The following CA10 variants were observed in gnomAD, a reference collection of about 807,000 sequenced individuals.
CA10 encodes carbonic anhydrase 10 (inactive).
A neutral mutation model predicts 44.2 loss-of-function variants in CA10; 14 were observed. The ratio of observed to expected loss-of-function variants is 0.32; its 90% CI spans 0.21 to 0.50. CA10 has a LOEUF of 0.50. Ranked by LOEUF, CA10 falls within the 20% of genes least tolerant of loss-of-function variation. The pLI is 0.99. For synonymous variants in CA10, 159 were observed against 141.6 expected, an observed-to-expected ratio of 1.12 and a Z score of -0.87; for missense variants, 350 against 409.7, an observed-to-expected ratio of 0.85 and a Z score of 1.26.
At chr17:52,018,784 T>C (rs538884245) in intron 2 of CA10, among the ~76,000 whole-genome samples, 14 of 152,180 alleles carry the variant, frequency 9.2e-5, no homozygotes, top group Admixed American at 4.6e-4. Flanking sequence ...AGAAGTAATA[T>C]GGTATGGATA....
intron 2 of CA10, among the ~76,000 whole-genome samples, chr17:52,059,135 G>C (rs1029415372): frequency 6.6e-6 from 1 of 152,124 alleles, no homozygotes; most frequent in Non-Finnish European, 1.5e-5. Flanking sequence ...GAAATCTAGA[G>C]AGAGAGACTT....
At chr17:51,835,246 G>C (rs62063185) in intron 3 of CA10, among the ~76,000 whole-genome samples, 13,587 of 152,188 alleles carry the variant, frequency 0.089, 886 homozygotes, top group African/African-American at 0.17. Flanking sequence ...AGCGATACAT[G>C]CTGGGTACAC....
chr17:52,152,274 C>T (rs1989719489), intron 1 of CA10, among the ~76,000 whole-genome samples: 1 of 152,094 alleles, frequency 6.6e-6, no homozygotes, highest in African/African-American at 2.4e-5. Context: ...TTGCAAAGAT[C>T]CTTAATACAA....
At chr17:52,135,650 T>G (rs547491900) in intron 1 of CA10, among the ~76,000 whole-genome samples, 1 of 152,300 alleles carries the variant, frequency 6.6e-6, no homozygotes, top group Admixed American at 6.5e-5. Flanking sequence ...TCCTAGCCTG[T>G]GGGAATGGGC....
intron 4 of CA10, among the ~76,000 whole-genome samples, chr17:51,734,370 A>G (rs1364549709): frequency 6.6e-6 from 1 of 152,172 alleles, no homozygotes; most frequent in Non-Finnish European, 1.5e-5. Context: ...ATGAAGGAAA[A>G]GAGATCTAGA....
chr17:51,807,340 G>A (rs1051673970), intron 3 of CA10, among the ~76,000 whole-genome samples: 1 of 152,190 alleles, frequency 6.6e-6, no homozygotes, highest in Non-Finnish European at 1.5e-5. Flanking sequence ...CAGGTATTTA[G>A]TCAGAAGGCC....
At chr17:52,145,355 G>A (rs952539715) in intron 1 of CA10, among the ~76,000 whole-genome samples, 2 of 152,130 alleles carry the variant, frequency 1.3e-5, no homozygotes, top group African/African-American at 4.8e-5. Context: ...GTTGGAAAGG[G>A]ATCTAGAAAC....
intron 3 of CA10, among the ~76,000 whole-genome samples, chr17:51,837,746 A>G (rs1410429568): frequency 6.6e-6 from 1 of 152,206 alleles, no homozygotes; most frequent in Non-Finnish European, 1.5e-5. Context: ...GTTATTTGTC[A>G]TTATTTCAGT....
At chr17:51,634,238 A>G (rs1374823198) in intron 7 of CA10, among the ~76,000 whole-genome samples, 1 of 152,232 alleles carries the variant, frequency 6.6e-6, no homozygotes, top group East Asian at 1.9e-4. Context: ...TGGGGTTCCC[A>G]TTTCAGTGAA....
intron 2 of CA10, among the ~76,000 whole-genome samples, chr17:52,044,893 G>A (rs1296937050): frequency 6.6e-6 from 1 of 151,004 alleles, no homozygotes; most frequent in Non-Finnish European, 1.5e-5. Flanking sequence ...TTGGAAAGTG[G>A]GTGATGGTAA....
intron 3 of CA10, among the ~76,000 whole-genome samples, chr17:51,914,476 G>A (rs188028): frequency 0.53 from 80,292 of 151,858 alleles, 21,685 homozygotes; most frequent in Non-Finnish European, 0.56. Context: ...TTGCCACCTT[G>A]CCAGGGAAGA....
At chr17:51,748,978 C>T (rs1904801182) in intron 3 of CA10, among the ~76,000 whole-genome samples, 2 of 152,142 alleles carry the variant, frequency 1.3e-5, no homozygotes, top group South Asian at 2.1e-4. Flanking sequence ...GAATGGAGCC[C>T]ATGTGACTGA....
intron 4 of CA10, among the ~76,000 whole-genome samples, chr17:51,697,085 GAA>G (rs60585641): frequency 3.2e-4 from 44 of 139,118 alleles, no homozygotes; most frequent in African/African-American, 1.0e-3. Flanking sequence ...GCAACGTAAT[GAA>G]AAAAAAAAAA....
rs186774228 is a variant in CA10, at chr17:51,811,367, G to A, written c.280-63549C>T. 4.0e-3 allele frequency among the ~76,000 whole-genome samples: 616 copies of A among 152,202 alleles called. 5 individuals are homozygous for A. Among genetic ancestry groups the A allele is most frequent in the African/African-American group, 0.014 (591 of 41,534 alleles). On this transcript the variant is annotated intron_variant, in intron 3 of 8. Coordinates refer to ENST00000451037, the MANE Select transcript of CA10 (RefSeq NM_020178.5). ...AGGTTTGATACATAGGTATACATGT[G>A]TCATGTTGGTTTGCTGTACCCATCA...
intron 2 of CA10, among the ~76,000 whole-genome samples, chr17:51,936,028 A>AT (rs1982851752): frequency 6.6e-6 from 1 of 152,148 alleles, no homozygotes; most frequent in Non-Finnish European, 1.5e-5. Flanking sequence ...TGGGCAGGAT[A>AT]TTAGGCACTT....
chr17:51,739,878 T>C (rs946172671), intron 4 of CA10, among the ~76,000 whole-genome samples: 6 of 152,154 alleles, frequency 3.9e-5, no homozygotes, highest in Non-Finnish European at 7.4e-5. Context: ...ATGTCTAGCA[T>C]TGGCAAAGCT....
At chr17:51,769,505 G>C (rs1905517450) in intron 3 of CA10, among the ~76,000 whole-genome samples, 2 of 152,086 alleles carry the variant, frequency 1.3e-5, no homozygotes. Flanking sequence ...ATGGGGAGTG[G>C]GTTAAAGGGT....
intron 8 of CA10, among the ~76,000 whole-genome samples, chr17:51,632,176 T>G (rs7217101): frequency 0.011 from 1,726 of 152,328 alleles, 42 homozygotes; most frequent in African/African-American, 0.039. Flanking sequence ...GCTTCAAAAC[T>G]TAACATATTT....
intron 4 of CA10, among the ~76,000 whole-genome samples, chr17:51,711,014 T>C (rs1915929258): frequency 7.5e-6 from 1 of 133,844 alleles, no homozygotes; most frequent in Admixed American, 8.7e-5. Flanking sequence ...TTAGAATCAA[T>C]CAACACCTCT....
Sources: gnomAD v4.1 joint callset for allele counts (sites outside exome capture counted in the v4.1 genomes callset) on GRCh38, gnomAD v4.1.1 for gene constraint, MANE v1.5 for transcripts, NCBI Gene and HGNC (gene_info 2026-07-23, HGNC 2026-07-21) for gene names.